MAPKBP1: variants seen among roughly 807,000 people sequenced by gnomAD.
MAPKBP1 encodes mitogen-activated protein kinase-binding protein 1.
In MAPKBP1, 71 loss-of-function variants were observed where a neutral mutation model predicts 170.5. The ratio of observed to expected loss-of-function variants is 0.42; its 90% confidence interval spans 0.34 to 0.51. The LOEUF (loss-of-function observed/expected upper bound fraction) is 0.51. Ranked by LOEUF, MAPKBP1 falls within the 20% of genes least tolerant of loss-of-function variation. The probability of loss-of-function intolerance (pLI) is 0.06; values close to 1 mark genes in which losing one functional copy is unlikely to be tolerated. For synonymous variants in MAPKBP1, 719 were observed against 757.9 expected (o/e 0.95, Z 0.84); for missense variants, 1,598 against 1,933.0 (o/e 0.83, Z 3.25).
At chr15:41,776,976 T>C (rs1402213804) in intron 2 of MAPKBP1, among the ~76,000 whole-genome samples, 4 of 152,220 alleles carry the variant, frequency 2.6e-5, no homozygotes, top group Non-Finnish European at 5.9e-5. Context: ...TGGTAAGTGC[T>C]GCTGTAGAAG....
chr15:41,809,341 T>A (rs1391182176), intron 3 of MAPKBP1, among the ~76,000 whole-genome samples: 2 of 152,112 alleles, frequency 1.3e-5, no homozygotes, highest in Non-Finnish European at 2.9e-5. Context: ...ATTCCACAGC[T>A]GTTGGTCAGC....
chr15:41,791,410 C>T (rs2064393734), intron 2 of MAPKBP1, among the ~76,000 whole-genome samples: 1 of 152,100 alleles, frequency 6.6e-6, no homozygotes, highest in South Asian at 2.1e-4. Flanking sequence ...AGTGGTCCCT[C>T]ACACTAAAAG....
intron 2 of MAPKBP1, among the ~76,000 whole-genome samples, chr15:41,795,947 T>C (rs1302430019): frequency 6.6e-6 from 1 of 152,106 alleles, no homozygotes; most frequent in Non-Finnish European, 1.5e-5. Context: ...TGACCTACCA[T>C]GTGGAGAAAA....
At chr15:41,795,290 C>A (rs2064469028) in intron 2 of MAPKBP1, among the ~76,000 whole-genome samples, 1 of 152,072 alleles carries the variant, frequency 6.6e-6, no homozygotes, top group Admixed American at 6.5e-5. Flanking sequence ...GCAAAGACTT[C>A]AGGAAATTAG....
intron 2 of MAPKBP1, among the ~76,000 whole-genome samples, chr15:41,790,482 T>A (rs2064376953): frequency 6.6e-6 from 1 of 152,184 alleles, no homozygotes; most frequent in Non-Finnish European, 1.5e-5. Flanking sequence ...TTTGTTCCAG[T>A]CTTCTTGTCC....
chr15:41,811,975 G>C lies in MAPKBP1; in HGVS notation c.346G>C (p.Val116Leu). The C allele has an allele frequency of 6.2e-7, 1 of 1,614,142 alleles. No individual in the cohort carries two copies. The highest frequency in any genetic ancestry group is 8.5e-7 in the Non-Finnish European group (1 of 1,180,024). Residue 116 changes from valine to leucine, a missense_variant, in exon 6 of 31, where the codon GTG (valine) becomes CTG (leucine). Val to Leu is a conservative substitution (Grantham distance 32, BLOSUM62 1). This residue lies in a region of MAPKBP1 where 151 missense variants were observed against 191.4 expected (regional missense o/e 0.79). Coordinates refer to ENST00000457542, the MANE Select transcript of MAPKBP1 (RefSeq NM_014994.3). ...VTGESGHMPA[V>L]RVWDVAEHSQ... ...CCTGCAGAGTGGGCACATGCCTGCC[G>C]TGCGGGTTTGGGACGTGGCAGAGCA... is the stretch of plus-strand genomic sequence containing the variant.
Position 41,823,444 on chromosome 15 carries a change from C to T in MAPKBP1, c.3599-3C>T, listed in dbSNP as rs760663107. ...CCTGTGTATACCTCTGTCTCCTTTG[C>T]AGAAAGACATGAGGCCAGTCTGCAG... On this transcript the variant is annotated splice_region_variant and splice_polypyrimidine_tract_variant and intron_variant, in intron 28 of 30. Coordinates refer to ENST00000457542, the MANE Select transcript of MAPKBP1 (RefSeq NM_014994.3). 6 of 1,607,832 alleles carry T rather than the reference C, an allele frequency of 3.7e-6. 1 individual carries two copies. The highest frequency in any genetic ancestry group is 3.3e-5 in the South Asian group (3 of 90,692).
chr15:41,821,922 C>G, intron 24 of MAPKBP1, 43 bp from the exon 25 acceptor site: 1 of 1,599,968 alleles, frequency 6.3e-7, no homozygotes, highest in Non-Finnish European at 8.5e-7. Context: ...TGCTGCCTAC[C>G]CCTGCTCACT....
chr15:41,810,108 G>A (rs998937860), intron 3 of MAPKBP1, among the ~76,000 whole-genome samples: 4 of 152,222 alleles, frequency 2.6e-5, no homozygotes, highest in African/African-American at 4.8e-5. Flanking sequence ...GGGTGCACAC[G>A]TGAGAGGCCT....
chr15:41,779,917 A>G (rs1310493973), intron 2 of MAPKBP1, among the ~76,000 whole-genome samples: 2 of 152,096 alleles, frequency 1.3e-5, no homozygotes, highest in Non-Finnish European at 2.9e-5. Flanking sequence ...AAAAATGTCA[A>G]TGTTCTCCTA....
chr15:41,782,259 CA>C (rs10629541), intron 2 of MAPKBP1, among the ~76,000 whole-genome samples: 119 of 117,334 alleles, frequency 1.0e-3, no homozygotes, highest in Middle Eastern at 4.3e-3. Flanking sequence ...GGCTCTGTCT[CA>C]AAAAAAAAAA....
rs183555771 is a variant in MAPKBP1, at chr15:41,805,114, G to A, written c.206+5200G>A. On this transcript the variant is annotated intron_variant, in intron 3 of 30. Coordinates refer to ENST00000457542, the MANE Select transcript of MAPKBP1 (RefSeq NM_014994.3). ...AAACTCAGAAAATTCTCTGAGGCCC[G>A]GAGGCGAATATCAAACCAAAACAAA... 1.4e-4 allele frequency among the ~76,000 whole-genome samples: 21 copies of A among 152,262 alleles called. 1 individual carries two copies. Among genetic ancestry groups the A allele is most frequent in the Admixed American group, 1.0e-3 (16 of 15,288 alleles).
intron 9 of MAPKBP1, among the ~76,000 whole-genome samples, chr15:41,814,108 A>G (rs755146391): frequency 6.6e-6 from 1 of 152,156 alleles, no homozygotes; most frequent in Non-Finnish European, 1.5e-5. Flanking sequence ...TCTACAGTGG[A>G]ACATCTTGTT....
At position 41,822,668 on chromosome 15, in the gene MAPKBP1, G is replaced by A. The variant is rs369411824; in HGVS notation, c.3305G>A (p.Arg1102His). Reference sequence around the variant, plus strand: ...CGATTCCTGTTGCAAGTACAGACCCGCCCACTCAGGTACAGAGGCCCCCTA... The same window carrying A: ...CGATTCCTGTTGCAAGTACAGACCCACCCACTCAGGTACAGAGGCCCCCTA... ...SSRFLLQVQT[R>H]PLREPSPSSS... Residue 1102 changes from arginine (R) to histidine (H), a missense_variant, in exon 27 of 31, where the codon CGC (arginine) becomes CAC (histidine). Physicochemically the swap from Arg to His is conservative, Grantham distance 29. This residue lies in a region of MAPKBP1 where 942 missense variants were observed against 953.2 expected (regional missense o/e 0.99). Coordinates refer to ENST00000457542, the MANE Select transcript of MAPKBP1 (RefSeq NM_014994.3). 1.4e-5 allele frequency: 23 copies of A among 1,613,942 alleles called. No homozygotes were observed. The highest frequency in any genetic ancestry group is 4.0e-5 in the African/African-American group (3 of 74,992).
intron 2 of MAPKBP1, among the ~76,000 whole-genome samples, chr15:41,785,412 G>A (rs773245928): frequency 2.0e-5 from 3 of 152,092 alleles, no homozygotes; most frequent in Non-Finnish European, 2.9e-5. Flanking sequence ...GATTTTGGGG[G>A]GAATTTTTTT....
In MAPKBP1 at chr15:41,811,072, A is replaced by G. The variant is rs2064796377; in HGVS notation, c.270-106A>G. ...TCCTAAAGCCAGATGGGGAAGTGCC[A>G]CATGTGCCATTGGTGTCTGCTGGTC... On this transcript the variant is annotated intron_variant, in intron 4 of 30. Transcript: ENST00000457542. 3.3e-6 allele frequency: 5 copies of G among 1,527,154 alleles called. No individual in the cohort carries two copies. The African/African-American group carries it at 5.5e-5, about 17-fold the overall frequency. The allele number at this position is 1,527,154 out of a possible 1,614,324, so 94.6% of individuals were successfully genotyped here. A position where few individuals can be genotyped will look rare whatever the true frequency, so the allele number is the denominator to read the frequency against.
intron 2 of MAPKBP1, among the ~76,000 whole-genome samples, chr15:41,785,201 G>T (rs1445919226): frequency 6.6e-6 from 1 of 152,124 alleles, no homozygotes. Flanking sequence ...ATTTGTGAGA[G>T]GTCCTTTTTT....
chr15:41,822,598 C>G lies in MAPKBP1; in HGVS notation c.3235C>G (p.Pro1079Ala), dbSNP rs2065017768. The G allele has an allele frequency of 9.3e-6, 15 of 1,613,956 alleles. No individual in the cohort carries two copies. Among genetic ancestry groups the G allele is most frequent in the Non-Finnish European group, 1.2e-5 (14 of 1,179,944 alleles). Residue 1079 changes from proline (P) to alanine (A), a missense_variant, in exon 27 of 31, where the codon CCA (proline) becomes GCA (alanine). Pro to Ala is a conservative substitution (Grantham distance 27). Transcript: ENST00000457542. ...GATTTCTCTGACCTTGGTAGGGGCC[C>G]CAGTGCAGGTCCCAGAGAGGTCAGA... ...TLASGAAPGA[P>A]VQVPERSESR...
In MAPKBP1 at chr15:41,813,068, TC is replaced by T. The variant is rs1238084522; in HGVS notation, c.787del (p.Arg263GlufsTer10). 6.2e-7 allele frequency: 1 copy of T among 1,610,840 alleles called. No individual in the cohort carries two copies. The highest frequency in any genetic ancestry group is 8.5e-7 in the Non-Finnish European group (1 of 1,178,284). Reference sequence around the variant, plus strand: ...CAGGGCTGCTGTGCGAGTTCAGTGATCGAAGGCTTTTGGACAAGTGGGTGGA... The same window carrying T: ...CAGGGCTGCTGTGCGAGTTCAGTGATGAAGGCTTTTGGACAAGTGGGTGGA... Reference protein sequence around the residue: ...SSGLLCEFSDRRLLDKWVELR... With the variant: ...SSGLLCEFSDXRLLDKWVELR... On this transcript the variant is annotated frameshift_variant, in exon 8 of 31. Transcript: ENST00000457542. LOFTEE classifies it high-confidence loss of function.
Sources: gnomAD v4.1 joint callset for allele counts (sites outside exome capture counted in the v4.1 genomes callset) on GRCh38, gnomAD v4.1.1 for gene constraint, gnomAD v4.1.1 regional missense constraint, MANE v1.5 for transcripts, NCBI Gene and HGNC (gene_info 2026-07-23, HGNC 2026-07-21) for gene names.